The following TBC1D19 variants were observed in gnomAD, a reference collection of about 807,000 sequenced individuals.
TBC1D19 encodes TBC1 domain family, member 19.
In TBC1D19, 60 loss-of-function variants were observed where a neutral mutation model predicts 89.0. That is an observed-to-expected ratio of 0.67 (90% CI 0.55 to 0.84). TBC1D19 has a LOEUF of 0.84. TBC1D19 is among the 40% of genes least tolerant of loss of function. The probability of loss-of-function intolerance (pLI) is 0.00; values close to 1 mark genes in which losing one functional copy is unlikely to be tolerated. For synonymous variants in TBC1D19, 189 were observed against 199.7 expected (o/e 0.95, Z 0.45); for missense variants, 500 against 610.8 (o/e 0.82, Z 1.91).
intron 1 of TBC1D19, among the ~76,000 whole-genome samples, chr4:26,612,731 T>C (rs1053617002): frequency 6.6e-6 from 1 of 152,124 alleles, no homozygotes; most frequent in Non-Finnish European, 1.5e-5. Flanking sequence ...TGCATTTACA[T>C]TGAGAAGCAA....
the TBC1D19 span, among the ~76,000 whole-genome samples, chr4:26,783,871 A>G: frequency 0.045 from 6,832 of 152,218 alleles, 236 homozygotes; most frequent in Non-Finnish European, 0.06. Context: ...TTAGGCCACC[A>G]TGCATCTTAG....
At chr4:26,820,379 T>G in the TBC1D19 span, among the ~76,000 whole-genome samples, 1 of 152,192 alleles carries the variant, frequency 6.6e-6, no homozygotes, top group African/African-American at 2.4e-5. Context: ...GCTTTTGGCA[T>G]CTTTCTACTC....
intron 1 of TBC1D19, among the ~76,000 whole-genome samples, chr4:26,594,642 AT>A (rs1338131980): frequency 3.9e-5 from 6 of 152,102 alleles, no homozygotes; most frequent in Non-Finnish European, 2.9e-5. Flanking sequence ...AACTGTCTTT[AT>A]TTCTTGCTTC....
chr4:26,702,934 A>G (rs1267974871), intron 13 of TBC1D19, among the ~76,000 whole-genome samples: 4 of 152,184 alleles, frequency 2.6e-5, no homozygotes, highest in Non-Finnish European at 4.4e-5. Flanking sequence ...TAGATACCTC[A>G]TGTAGTAGAA....
At chr4:26,679,090 G>A (rs769385163) in intron 11 of TBC1D19, among the ~76,000 whole-genome samples, 17 of 152,172 alleles carry the variant, frequency 1.1e-4, no homozygotes, top group Non-Finnish European at 2.5e-4. Flanking sequence ...ATTCAAGCTG[G>A]CTGCAGAAAT....
the TBC1D19 span, among the ~76,000 whole-genome samples, chr4:26,813,436 A>G: frequency 7.9e-5 from 12 of 152,208 alleles, no homozygotes; most frequent in Non-Finnish European, 1.6e-4. Flanking sequence ...GACCTAAATT[A>G]ATGAGAAGTT....
chr4:26,783,349 G>T, the TBC1D19 span, among the ~76,000 whole-genome samples: 6 of 152,200 alleles, frequency 3.9e-5, no homozygotes, highest in African/African-American at 1.4e-4. Context: ...CCAACTTGAA[G>T]ATTTAATTAA....
intron 7 of TBC1D19, among the ~76,000 whole-genome samples, chr4:26,642,313 C>T (rs1743601016): frequency 6.6e-6 from 1 of 152,200 alleles, no homozygotes. Flanking sequence ...CCCAGAATTT[C>T]ATATCCAGCC....
chr4:26,747,907 A>G (rs775659455), intron 18 of TBC1D19, among the ~76,000 whole-genome samples: 4 of 152,212 alleles, frequency 2.6e-5, no homozygotes, highest in Admixed American at 6.5e-5. Context: ...TCATAGCTTT[A>G]AAACTATTTT....
intron 15 of TBC1D19, among the ~76,000 whole-genome samples, chr4:26,722,936 A>G (rs1330837125): frequency 6.6e-6 from 1 of 152,176 alleles, no homozygotes; most frequent in East Asian, 1.9e-4. Flanking sequence ...CTGGCTTCAG[A>G]AGCAACATTC....
At chr4:26,590,796 G>GTGTTTTTT (rs1739722411) in intron 1 of TBC1D19, among the ~76,000 whole-genome samples, 1 of 52,960 alleles carries the variant, frequency 1.9e-5, no homozygotes. Context: ...TTGCAGGTCT[G>GTGTTTTTT]TTTTTTTTTT....
chr4:26,734,522 G>A (rs1447703425), intron 15 of TBC1D19, among the ~76,000 whole-genome samples: 2 of 152,136 alleles, frequency 1.3e-5, no homozygotes, highest in African/African-American at 2.4e-5. Context: ...AGCACACCAA[G>A]TTAGGCTTTG....
intron 9 of TBC1D19, among the ~76,000 whole-genome samples, chr4:26,670,344 G>T (rs980518380): frequency 6.6e-6 from 1 of 151,234 alleles, no homozygotes; most frequent in Non-Finnish European, 1.5e-5. Flanking sequence ...TAAACTAAAA[G>T]AATAAGGCAT....
chr4:26,600,509 A>T (rs1053367611), intron 1 of TBC1D19, among the ~76,000 whole-genome samples: 6 of 152,222 alleles, frequency 3.9e-5, no homozygotes, highest in Admixed American at 6.5e-5. Context: ...TTGTTTATAG[A>T]AGGTCATGTA....
the TBC1D19 span, among the ~76,000 whole-genome samples, chr4:26,838,385 A>G: frequency 6.6e-6 from 1 of 152,210 alleles, no homozygotes; most frequent in East Asian, 1.9e-4. Flanking sequence ...CACCAGCTCA[A>G]AGTTTTTTAT....
intron 12 of TBC1D19, 50 bp downstream of exon 12, chr4:26,683,799 T>C (rs1713566228): frequency 6.8e-7 from 1 of 1,478,470 alleles, no homozygotes; most frequent in Non-Finnish European, 9.3e-7. Context: ...TAATTTAGAA[T>C]TGAGATTCTT....
chr4:26,708,223 G>A (rs7696205), intron 13 of TBC1D19, among the ~76,000 whole-genome samples: 1,915 of 152,040 alleles, frequency 0.013, 35 homozygotes, highest in African/African-American at 0.043. Context: ...CACTTTTGAA[G>A]GACAGTTTGC....
chr4:26,684,281 AG>A (rs1373036887), intron 12 of TBC1D19, among the ~76,000 whole-genome samples: 5 of 152,222 alleles, frequency 3.3e-5, no homozygotes, highest in East Asian at 3.8e-4. Context: ...TGAGCCAAAC[AG>A]GGTCCATTTT....
chr4:26,749,051 T>A (rs1043428741), intron 19 of TBC1D19, among the ~76,000 whole-genome samples: 9 of 152,222 alleles, frequency 5.9e-5, no homozygotes, highest in African/African-American at 1.9e-4. Flanking sequence ...TGGCTGAGTT[T>A]CCCCTTTTAT....
Sources: allele counts gnomAD v4.1 joint callset (sites outside exome capture counted in the v4.1 genomes callset), GRCh38; gene constraint gnomAD v4.1.1; transcripts MANE v1.5; gene names NCBI Gene and HGNC (gene_info 2026-07-23, HGNC 2026-07-21).